XPO5: variants seen among roughly 807,000 people sequenced by gnomAD.
XPO5 encodes the protein exportin 5.
In XPO5, 46 loss-of-function variants were observed where a neutral mutation model predicts 160.6. The observed-to-expected ratio is 0.29, with a 90% CI of 0.23 to 0.37. The LOEUF is 0.37. Among genes scored for constraint, XPO5 ranks in the 10% least tolerant of loss-of-function variants. XPO5 has a pLI of 1.00. For synonymous variants in XPO5, 537 were observed against 519.3 expected, an observed-to-expected ratio of 1.03 and a Z score of -0.46; for missense variants, 1,090 against 1,463.9, an observed-to-expected ratio of 0.74 and a Z score of 4.17.
chr6:43,557,930 T>A (rs929007874), intron 12 of XPO5, among the ~76,000 whole-genome samples: 1 of 151,544 alleles, frequency 6.6e-6, no homozygotes, highest in African/African-American at 2.4e-5. Flanking sequence ...ACCCCATCTC[T>A]ACCAAAAATG....
chr6:43,569,256 C>T (rs1382385016), intron 5 of XPO5, among the ~76,000 whole-genome samples: 1 of 148,404 alleles, frequency 6.7e-6, no homozygotes, highest in Non-Finnish European at 1.5e-5. Flanking sequence ...TGCACTACTG[C>T]ACTCCAGCCT....
At chr6:43,551,602 G>T in intron 14 of XPO5, 149 bp from the exon 15 acceptor site, 1 of 967,134 alleles carries the variant, frequency 1.0e-6, no homozygotes, top group Non-Finnish European at 1.5e-6. Flanking sequence ...ATCACTCACT[G>T]TAACCTCAAA....
At chr6:43,537,956 T>TACTCGAGAGGCTGAGGC (rs1351982911) in intron 20 of XPO5, among the ~76,000 whole-genome samples, 2 of 150,760 alleles carry the variant, frequency 1.3e-5, no homozygotes, top group Non-Finnish European at 3.0e-5. Context: ...TAATCCCAGC[T>TACTCGAGAGGCTGAGGC]ACTCGAGAGG....
At chr6:43,524,711 T>G in intron 30 of XPO5, 76 bp from the exon 31 acceptor site, 2 of 1,588,158 alleles carry the variant, frequency 1.3e-6, no homozygotes, top group South Asian at 1.1e-5. Context: ...CCACACCCAT[T>G]TCTCAGAGAT....
chr6:43,541,985 G>A (rs1206976594), intron 20 of XPO5, among the ~76,000 whole-genome samples: 1 of 151,962 alleles, frequency 6.6e-6, no homozygotes, highest in African/African-American at 2.4e-5. Flanking sequence ...TCACCATGTT[G>A]GCCACACTGG....
Position 43,522,745 on chromosome 6 carries a change from GT to G in XPO5, c.*1122del. On this transcript the variant is annotated 3_prime_UTR_variant, in exon 32 of 32. Transcript: ENST00000265351. Reference sequence around the variant, plus strand: ...AGTGGACTGGATGGACAACAGGTCTGTTTTTGTGCAGAGCACATGGACACAC... The same window carrying G: ...AGTGGACTGGATGGACAACAGGTCTGTTTTGTGCAGAGCACATGGACACAC... 2.0e-6 allele frequency: 1 copy of G among 495,858 alleles called. No homozygotes were observed. Among genetic ancestry groups the G allele is most frequent in the Non-Finnish European group, 4.2e-6 (1 of 236,496 alleles). 30.7% of individuals were successfully genotyped at this position (495,858 alleles called of 1,614,324 possible). A position where few individuals can be genotyped will look rare whatever the true frequency, so the allele number is the denominator to read the frequency against.
At chr6:43,575,703 CT>C (rs1186939335) in intron 1 of XPO5, 56 bp downstream of exon 1, 1 of 1,499,546 alleles carries the variant, frequency 6.7e-7, no homozygotes, top group African/African-American at 1.4e-5. Context: ...GGCGCCGGAG[CT>C]GCTGGGGCTG....
Position 43,523,377 on chromosome 6 carries a change from A to C in XPO5, c.*491T>G. On this transcript the variant is annotated 3_prime_UTR_variant, in exon 32 of 32. Coordinates refer to ENST00000265351, the MANE Select transcript of XPO5 (RefSeq NM_020750.3). Reference sequence around the variant, plus strand: ...CCTAACCCAGACATGCCCCTTAGGGAGTGGGGAAAGTTTCCTGCCAGCCCA... The same window carrying C: ...CCTAACCCAGACATGCCCCTTAGGGCGTGGGGAAAGTTTCCTGCCAGCCCA... 3.4e-6 allele frequency: 1 copy of C among 297,336 alleles called. No homozygotes were observed. Among genetic ancestry groups the C allele is most frequent in the South Asian group, 3.1e-5 (1 of 31,842 alleles). 18.4% of individuals were successfully genotyped at this position (297,336 alleles called of 1,614,324 possible). A position where few individuals can be genotyped will look rare whatever the true frequency, so the allele number is the denominator to read the frequency against.
chr6:43,557,809 A>G (rs1318851989), intron 12 of XPO5, among the ~76,000 whole-genome samples: 3 of 122,940 alleles, frequency 2.4e-5, no homozygotes, highest in South Asian at 5.4e-4. Flanking sequence ...AAAAAAAAAA[A>G]GGAGGCTGGG....
intron 2 of XPO5, chr6:43,573,275 C>T (rs1441224785): frequency 3.2e-6 from 2 of 626,944 alleles, no homozygotes; most frequent in African/African-American, 3.7e-5. Context: ...GTACCACACA[C>T]TTTACATGGA....
chr6:43,570,777 C>T, intron 4 of XPO5, 80 bp downstream of exon 4: 2 of 1,533,748 alleles, frequency 1.3e-6, no homozygotes, highest in South Asian at 1.3e-5. Context: ...AAAAAAAAAC[C>T]CACAAACAAA....
At chr6:43,528,496 TC>T (rs895907743) in intron 24 of XPO5, among the ~76,000 whole-genome samples, 6 of 152,148 alleles carry the variant, frequency 3.9e-5, no homozygotes, top group Admixed American at 1.3e-4. Flanking sequence ...ACCCAGCTGG[TC>T]CCCCTGCTTA....
In XPO5 at chr6:43,522,576, CCACACAGGAAGAGGGAGCAA is replaced by C. The variant is rs1229948892; in HGVS notation, c.*1272_*1291del. On this transcript the variant is annotated 3_prime_UTR_variant, in exon 32 of 32. Transcript: ENST00000265351. ...TCACGATCCACAGAAACCCAGAGCACCACACAGGAAGAGGGAGCAACACAAGACTCCCAACTTCTGCTTCC... is the reference window on the plus strand; with the variant it reads ...TCACGATCCACAGAAACCCAGAGCACCACAAGACTCCCAACTTCTGCTTCC... 3.2e-6 allele frequency: 1 copy of C among 312,760 alleles called. No individual in the cohort carries two copies. The highest frequency in any genetic ancestry group is 7.1e-6 in the Non-Finnish European group (1 of 139,924). The allele number at this position is 312,760 out of a possible 1,614,324, so 19.4% of individuals were successfully genotyped here. A position where few individuals can be genotyped will look rare whatever the true frequency, so the allele number is the denominator to read the frequency against.
At chr6:43,538,881 T>C (rs982282919) in intron 20 of XPO5, 1 of 1,295,458 alleles carries the variant, frequency 7.7e-7, no homozygotes, top group Non-Finnish European at 1.1e-6. Flanking sequence ...GTGTGGGTCT[T>C]GACGAGGTGG....
intron 28 of XPO5, 116 bp from the exon 29 acceptor site, chr6:43,525,330 G>A: frequency 2.0e-6 from 2 of 1,007,222 alleles, no homozygotes; most frequent in South Asian, 1.7e-5. Context: ...TCTAAAGATG[G>A]GTTTGTTTTG....
chr6:43,527,543 T>A, intron 26 of XPO5, 91 bp downstream of exon 26: 1 of 1,296,956 alleles, frequency 7.7e-7, no homozygotes, highest in Admixed American at 1.8e-5. Context: ...ATGAATCCTT[T>A]GCATTAGTCA....
intron 12 of XPO5, 153 bp from the exon 13 acceptor site, chr6:43,556,117 C>CTT: frequency 9.8e-7 from 1 of 1,015,448 alleles, no homozygotes; most frequent in East Asian, 2.7e-5. Flanking sequence ...CTCAATAAAA[C>CTT]TTTATTAACG....
At chr6:43,574,646 G>T (rs1484998521) in intron 1 of XPO5, among the ~76,000 whole-genome samples, 1 of 152,042 alleles carries the variant, frequency 6.6e-6, no homozygotes, top group Non-Finnish European at 1.5e-5. Flanking sequence ...TCCCCCTGAC[G>T]TACATAGGGG....
intron 29 of XPO5, 58 bp downstream of exon 29, chr6:43,525,049 C>CA: frequency 6.3e-7 from 1 of 1,578,750 alleles, no homozygotes; most frequent in Non-Finnish European, 8.6e-7. Flanking sequence ...ATGATTTAGT[C>CA]AGTCTGCATG....
Sources: allele counts gnomAD v4.1 joint callset (sites outside exome capture counted in the v4.1 genomes callset), GRCh38; gene constraint gnomAD v4.1.1; transcripts MANE v1.5; gene names NCBI Gene and HGNC (gene_info 2026-07-23, HGNC 2026-07-21).